ATRNL1: variants seen among roughly 807,000 people sequenced by gnomAD.
The protein encoded by ATRNL1 is attractin-like protein 1.
Under a neutral mutation model 182.7 loss-of-function variants are expected in ATRNL1, and 95 were observed. The ratio of observed to expected loss-of-function variants is 0.52; its 90% CI spans 0.44 to 0.62. The LOEUF (loss-of-function observed/expected upper bound fraction) is 0.62. ATRNL1 is among the 20% of genes least tolerant of loss of function. The pLI, the probability that ATRNL1 is intolerant of heterozygous loss-of-function variation, is 0.00. For missense variants in ATRNL1, 1,471 were observed against 1,679.5 expected (o/e 0.88, Z 2.17); for synonymous variants, 576 against 568.3 (o/e 1.01, Z -0.19).
intron 19 of ATRNL1, among the ~76,000 whole-genome samples, chr10:115,342,859 T>G (rs1554938788): frequency 6.6e-6 from 1 of 152,126 alleles, no homozygotes; most frequent in Non-Finnish European, 1.5e-5. Context: ...ATATATACAC[T>G]TCAAATATAT....
intron 27 of ATRNL1, among the ~76,000 whole-genome samples, chr10:115,757,423 A>C (rs1475246591): frequency 6.6e-6 from 1 of 152,128 alleles, no homozygotes; most frequent in African/African-American, 2.4e-5. Context: ...TATGAAGCTT[A>C]GTTTCGCTGG....
intron 5 of ATRNL1, among the ~76,000 whole-genome samples, chr10:115,140,338 C>T (rs1399311030): frequency 6.6e-6 from 1 of 152,054 alleles, no homozygotes; most frequent in Non-Finnish European, 1.5e-5. Flanking sequence ...GATTCCCAAA[C>T]AAATAAAAAA....
chr10:115,415,669 C>CT (rs1211835638), intron 20 of ATRNL1, among the ~76,000 whole-genome samples: 2 of 151,536 alleles, frequency 1.3e-5, no homozygotes, highest in Admixed American at 1.3e-4. Flanking sequence ...AATTAACATC[C>CT]TTTTTTTACT....
At chr10:115,102,815 A>G (rs147387115) in intron 1 of ATRNL1, among the ~76,000 whole-genome samples, 9 of 152,222 alleles carry the variant, frequency 5.9e-5, no homozygotes, top group Non-Finnish European at 1.0e-4. Context: ...TTTGTTTTTC[A>G]TATACATTTT....
chr10:115,094,723 T>A (rs1156869494), intron 1 of ATRNL1, among the ~76,000 whole-genome samples: 1 of 152,204 alleles, frequency 6.6e-6, no homozygotes, highest in African/African-American at 2.4e-5. Flanking sequence ...TGGCCAGGAT[T>A]ACACAGTAGT....
chr10:115,332,397 T>C (rs782265030), intron 18 of ATRNL1, among the ~76,000 whole-genome samples: 3 of 152,204 alleles, frequency 2.0e-5, no homozygotes, highest in Non-Finnish European at 4.4e-5. Flanking sequence ...TGTTTCTTCG[T>C]GGGTATAATT....
At chr10:115,753,334 T>C (rs1487089271) in intron 27 of ATRNL1, among the ~76,000 whole-genome samples, 1 of 13,790 alleles carries the variant, frequency 7.3e-5, no homozygotes, top group African/African-American at 8.2e-5. Context: ...TAGTGCCTCA[T>C]TCCCCAACAG....
intron 1 of ATRNL1, among the ~76,000 whole-genome samples, chr10:115,101,919 G>T (rs1554864685): frequency 1.3e-5 from 2 of 152,118 alleles, no homozygotes; most frequent in African/African-American, 4.8e-5. Flanking sequence ...AAATTTATTG[G>T]CCAGAATATT....
chr10:115,380,483 C>T (rs673399), intron 19 of ATRNL1, among the ~76,000 whole-genome samples: 2 of 152,216 alleles, frequency 1.3e-5, no homozygotes, highest in Non-Finnish European at 1.5e-5. Flanking sequence ...TCACCCCCCT[C>T]TAAAAAGCCC....
intron 28 of ATRNL1, among the ~76,000 whole-genome samples, chr10:115,944,324 A>G (rs1953820885): frequency 6.6e-6 from 1 of 151,276 alleles, no homozygotes; most frequent in African/African-American, 2.4e-5. Context: ...TAAAATTTCT[A>G]GTACCTCCAC....
chr10:115,141,261 A>G (rs1269607579), intron 5 of ATRNL1, among the ~76,000 whole-genome samples: 1 of 152,180 alleles, frequency 6.6e-6, no homozygotes, highest in Non-Finnish European at 1.5e-5. Context: ...ACATTCAACT[A>G]GAGATGTTTT....
intron 24 of ATRNL1, among the ~76,000 whole-genome samples, chr10:115,471,704 G>T (rs1405620780): frequency 6.6e-6 from 1 of 150,682 alleles, no homozygotes; most frequent in Non-Finnish European, 1.5e-5. Context: ...TTGTTTTCTT[G>T]CTATTGCGTT....
intron 26 of ATRNL1, among the ~76,000 whole-genome samples, chr10:115,673,770 T>G (rs1329427356): frequency 1.3e-5 from 2 of 152,096 alleles, no homozygotes; most frequent in African/African-American, 4.8e-5. Context: ...TCCCCTCTTT[T>G]TGAATGTGGA....
chr10:115,378,893 G>A (rs1322409446), intron 19 of ATRNL1, among the ~76,000 whole-genome samples: 1 of 152,078 alleles, frequency 6.6e-6, no homozygotes, highest in South Asian at 2.1e-4. Context: ...TAACCTCTAG[G>A]GGTTGTTACA....
intron 25 of ATRNL1, among the ~76,000 whole-genome samples, chr10:115,531,350 G>C (rs1388568489): frequency 1.3e-5 from 2 of 151,952 alleles, no homozygotes; most frequent in African/African-American, 4.8e-5. Flanking sequence ...TCTCATTGTG[G>C]TTTTGATTTG....
rs1477346798 is a variant in ATRNL1 at position 115,186,619 on chromosome 10, T to G, written c.1348+15327T>G. On this transcript the variant is annotated intron_variant, in intron 8 of 28. Transcript: ENST00000355044. ...CAGGCACAGAAAGAAAACTGCATGTTCTCACTTATTTGTGGGAGCTAAAAA... is the reference window on the plus strand; with the variant it reads ...CAGGCACAGAAAGAAAACTGCATGTGCTCACTTATTTGTGGGAGCTAAAAA... Among the ~76,000 whole-genome samples the G allele has an allele frequency of 5.3e-5, 8 of 152,236 alleles. No individual in the cohort carries two copies. In the South Asian group the frequency reaches 6.2e-4, roughly 12 times the overall value.
chr10:115,431,811 A>G (rs1369017688), intron 21 of ATRNL1, among the ~76,000 whole-genome samples: 1 of 152,068 alleles, frequency 6.6e-6, no homozygotes, highest in African/African-American at 2.4e-5. Context: ...TATTTCAAAT[A>G]TCCTGGATTT....
chr10:115,517,593 A>G lies in ATRNL1; in HGVS notation c.3655-1670A>G, dbSNP rs77726683. On this transcript the variant is annotated intron_variant, in intron 24 of 28. Transcript: ENST00000355044. ...TATTTCATCTGTTCTCTTTTTTTAT[A>G]TATTTGCTAATTTATTCAAGCCTTT... 9.9e-3 allele frequency among the ~76,000 whole-genome samples: 1,507 copies of G among 151,530 alleles called. 19 individuals are homozygous for G. The highest frequency in any genetic ancestry group is 0.033 in the African/African-American group (1,385 of 41,388).
chr10:115,268,197 A>G, intron 12 of ATRNL1, 129 bp from the exon 13 acceptor site: 2 of 634,232 alleles, frequency 3.2e-6, no homozygotes, highest in South Asian at 4.3e-5. Flanking sequence ...TTACTTTGAA[A>G]TTGAAGGTCA....
Sources: gnomAD v4.1 joint callset for allele counts (sites outside exome capture counted in the v4.1 genomes callset) on GRCh38, gnomAD v4.1.1 for gene constraint, MANE v1.5 for transcripts, NCBI Gene and HGNC (gene_info 2026-07-23, HGNC 2026-07-21) for gene names.